Variants in CHST9 observed in about 807,000 individuals in gnomAD.
The protein encoded by CHST9 is carbohydrate sulfotransferase 9.
A neutral mutation model predicts 44.4 loss-of-function variants in CHST9; 41 were observed. The ratio of observed to expected loss-of-function variants is 0.92; its 90% CI spans 0.72 to 1.20. The LOEUF is 1.20. Ranked by LOEUF, CHST9 falls within the 50% of genes most tolerant of loss-of-function variation. CHST9 has a pLI of 0.00. For missense variants in CHST9, 504 were observed against 516.5 expected, an observed-to-expected ratio of 0.98 and a Z score of 0.23; for synonymous variants, 171 against 178.4, an observed-to-expected ratio of 0.96 and a Z score of 0.33.
chr18:27,089,607 A>G (rs2058047493), intron 2 of CHST9, among the ~76,000 whole-genome samples: 2 of 152,044 alleles, frequency 1.3e-5, no homozygotes, highest in Admixed American at 6.6e-5. Context: ...ACATGTGCAT[A>G]TGTCTTTATA....
At position 26,911,934 on chromosome 18, in the gene CHST9, G is replaced by A. The variant is rs1247608324; in HGVS notation, c.*4325C>T. 6.6e-6 allele frequency: 1 copy of A among 151,944 alleles called. No individual in the cohort carries two copies. Among genetic ancestry groups the A allele is most frequent in the African/African-American group, 2.4e-5 (1 of 41,338 alleles). The allele number at this position is 151,944 out of a possible 1,614,324, so 9.4% of individuals were successfully genotyped here. ...TGCAGTCTTCCCGTGTAGGCTCAGGGTAATCTGACTACAAACTAGTACTAG... is the reference window on the plus strand; with the variant it reads ...TGCAGTCTTCCCGTGTAGGCTCAGGATAATCTGACTACAAACTAGTACTAG... On this transcript the variant is annotated 3_prime_UTR_variant, in exon 6 of 6. Coordinates refer to ENST00000618847, the MANE Select transcript of CHST9 (RefSeq NM_031422.6).
chr18:26,964,584 G>A (rs2056441054), intron 4 of CHST9, among the ~76,000 whole-genome samples: 1 of 152,260 alleles, frequency 6.6e-6, no homozygotes, highest in Non-Finnish European at 1.5e-5. Flanking sequence ...GTATGCCTCT[G>A]TATTTGCCCC....
chr18:27,149,566 A>G (rs2058643362), intron 1 of CHST9, among the ~76,000 whole-genome samples: 1 of 147,202 alleles, frequency 6.8e-6, no homozygotes, highest in African/African-American at 2.5e-5. Context: ...CCGTAATGGG[A>G]TTGCTGAAGT....
chr18:27,181,293 C>T (rs1230183399), intron 1 of CHST9, among the ~76,000 whole-genome samples: 1 of 152,178 alleles, frequency 6.6e-6, no homozygotes, highest in Non-Finnish European at 1.5e-5. Context: ...CAGCTTCTTG[C>T]TGAAGTAACT....
chr18:27,100,991 A>G (rs963389812), intron 2 of CHST9, among the ~76,000 whole-genome samples: 2 of 152,168 alleles, frequency 1.3e-5, no homozygotes, highest in Non-Finnish European at 2.9e-5. Flanking sequence ...TCTGTGAAGT[A>G]CACTGCTTGC....
chr18:26,958,733 C>T (rs3916233), intron 4 of CHST9, among the ~76,000 whole-genome samples: 2 of 152,186 alleles, frequency 1.3e-5, no homozygotes, highest in Admixed American at 1.3e-4. Flanking sequence ...CTCAACGTTA[C>T]TAATTATCAG....
intron 4 of CHST9, among the ~76,000 whole-genome samples, chr18:27,013,686 A>G (rs1449437247): frequency 1.3e-5 from 2 of 152,226 alleles, no homozygotes; most frequent in Non-Finnish European, 2.9e-5. Flanking sequence ...ATATATTAGC[A>G]GCAGGTGTTG....
intron 1 of CHST9, among the ~76,000 whole-genome samples, chr18:27,170,168 T>A (rs917107056): frequency 6.6e-6 from 1 of 152,140 alleles, no homozygotes; most frequent in African/African-American, 2.4e-5. Context: ...TTATTCTATT[T>A]CCCCTTACAA....
At chr18:27,096,854 A>C (rs1193972950) in intron 2 of CHST9, among the ~76,000 whole-genome samples, 1 of 152,004 alleles carries the variant, frequency 6.6e-6, no homozygotes, top group Non-Finnish European at 1.5e-5. Flanking sequence ...CCAGATGTAC[A>C]AAGAGCTGGT....
At chr18:27,001,379 A>G (rs2056951154) in intron 4 of CHST9, among the ~76,000 whole-genome samples, 1 of 152,240 alleles carries the variant, frequency 6.6e-6, no homozygotes, top group Admixed American at 6.5e-5. Flanking sequence ...GAGATGCTGC[A>G]TCTAGTCCAA....
intron 5 of CHST9, among the ~76,000 whole-genome samples, chr18:26,924,121 T>C (rs1033863908): frequency 1.3e-5 from 2 of 151,886 alleles, no homozygotes; most frequent in African/African-American, 4.8e-5. Flanking sequence ...TCTGGGGCAG[T>C]GGGGAGGTGT....
intron 1 of CHST9, among the ~76,000 whole-genome samples, chr18:27,184,276 C>T (rs775091590): frequency 7.9e-5 from 12 of 152,050 alleles, no homozygotes; most frequent in Non-Finnish European, 1.5e-4. Context: ...TGGGGGTGGA[C>T]CGCAGAGAGA....
intron 5 of CHST9, chr18:26,933,039 C>T (rs1317366494): frequency 6.5e-6 from 1 of 153,762 alleles, no homozygotes; most frequent in Non-Finnish European, 1.5e-5. Context: ...CAGTTGCCCG[C>T]CCTGAACTGT....
intron 2 of CHST9, among the ~76,000 whole-genome samples, chr18:27,099,455 T>C (rs1400801810): frequency 6.6e-6 from 1 of 152,016 alleles, no homozygotes; most frequent in African/African-American, 2.4e-5. Context: ...AAAGGTCTAA[T>C]ATACAGAATT....
intron 5 of CHST9, among the ~76,000 whole-genome samples, chr18:26,928,006 G>T (rs232337): frequency 1.2e-3 from 181 of 151,866 alleles, no homozygotes; most frequent in African/African-American, 4.2e-3. Flanking sequence ...TTAACAGCAC[G>T]CTGCCTTCAA....
At chr18:27,176,643 A>C (rs1234357416) in intron 1 of CHST9, among the ~76,000 whole-genome samples, 1 of 152,016 alleles carries the variant, frequency 6.6e-6, no homozygotes, top group Non-Finnish European at 1.5e-5. Flanking sequence ...CAAGTGGGCA[A>C]TGTAGAGGGA....
At chr18:27,128,149 C>T (rs527462033) in intron 2 of CHST9, among the ~76,000 whole-genome samples, 3 of 152,302 alleles carry the variant, frequency 2.0e-5, no homozygotes, top group Non-Finnish European at 4.4e-5. Flanking sequence ...TGAAAACAGA[C>T]ACCCTGGCTG....
At chr18:27,056,085 T>C (rs984088920) in intron 2 of CHST9, among the ~76,000 whole-genome samples, 1 of 152,212 alleles carries the variant, frequency 6.6e-6, no homozygotes, top group Non-Finnish European at 1.5e-5. Flanking sequence ...TAGTCAATTA[T>C]TGTTTATCAA....
intron 5 of CHST9, among the ~76,000 whole-genome samples, chr18:26,941,755 G>C (rs544523025): frequency 6.6e-6 from 1 of 152,276 alleles, no homozygotes; most frequent in Admixed American, 6.5e-5. Flanking sequence ...CTTTTAAAAA[G>C]CATACTAATT....
Sources: gnomAD v4.1 joint callset for allele counts (sites outside exome capture counted in the v4.1 genomes callset) on GRCh38, gnomAD v4.1.1 for gene constraint, MANE v1.5 for transcripts, NCBI Gene and HGNC (gene_info 2026-07-23, HGNC 2026-07-21) for gene names.